The following CCDC186 variants were observed in gnomAD, a reference collection of about 807,000 sequenced individuals.
The protein encoded by CCDC186 is coiled-coil domain containing 186, also known as coiled-coil domain-containing protein 186.
Under a neutral mutation model 113.7 loss-of-function variants are expected in CCDC186, and 49 were observed. That is an observed-to-expected ratio of 0.43 (90% CI 0.34 to 0.55). The LOEUF (loss-of-function observed/expected upper bound fraction) is 0.55, where lower values mean the gene tolerates loss of function less well. Ranked by LOEUF, CCDC186 falls within the 20% of genes least tolerant of loss-of-function variation. CCDC186 has a pLI of 0.02. For missense variants in CCDC186, 890 were observed against 1,011.1 expected, an observed-to-expected ratio of 0.88 and a Z score of 1.62; for synonymous variants, 355 against 345.8, an observed-to-expected ratio of 1.03 and a Z score of -0.30.
intron 12 of CCDC186, chr10:114,130,376 T>A (rs1011616759): frequency 1.9e-5 from 3 of 157,816 alleles, no homozygotes; most frequent in African/African-American, 7.2e-5. Flanking sequence ...AGCTTATTAC[T>A]ATATTTCACC....
At chr10:114,135,816 C>A in intron 9 of CCDC186, 75 bp downstream of exon 9, 1 of 1,209,900 alleles carries the variant, frequency 8.3e-7, no homozygotes. Context: ...TTCCCCACCA[C>A]TTTAAAAATC....
chr10:114,158,284 C>A (rs1227282623), intron 2 of CCDC186, among the ~76,000 whole-genome samples: 1 of 152,094 alleles, frequency 6.6e-6, no homozygotes, highest in Non-Finnish European at 1.5e-5. Context: ...TGTAAAACAG[C>A]AAAATAAAAT....
intron 9 of CCDC186, among the ~76,000 whole-genome samples, chr10:114,135,671 A>C (rs778662766): frequency 7.2e-5 from 11 of 152,212 alleles, no homozygotes; most frequent in Non-Finnish European, 1.6e-4. Context: ...GTGCTGTGAA[A>C]TAGTAATGTT....
chr10:114,164,110 A>T lies in CCDC186; in HGVS notation c.-61-781T>A, dbSNP rs1315273680. On this transcript the variant is annotated intron_variant, in intron 1 of 15. Transcript: ENST00000369287. ...TGTGTGTGTGTGTGTGTGTATATAT[A>T]TATATTTTTTTTTTTTTTTTTTTTT... 1.2e-3 allele frequency among the ~76,000 whole-genome samples: 124 copies of T among 103,394 alleles called. 2 individuals carry two copies. The highest frequency in any genetic ancestry group is 3.9e-3 in the African/African-American group (100 of 25,908). 67.8% of individuals were successfully genotyped at this position (103,394 alleles called of 152,430 possible).
intron 4 of CCDC186, among the ~76,000 whole-genome samples, chr10:114,146,871 T>A (rs1344775105): frequency 6.6e-6 from 1 of 151,944 alleles, no homozygotes; most frequent in Admixed American, 6.6e-5. Context: ...GCTGCAAAAA[T>A]GTTTCATAAA....
chr10:114,147,480 A>G (rs2031681365), intron 4 of CCDC186, among the ~76,000 whole-genome samples: 1 of 152,218 alleles, frequency 6.6e-6, no homozygotes, highest in South Asian at 2.1e-4. Context: ...TAGAGTGAAT[A>G]TCATGTGCAA....
At position 114,135,051 on chromosome 10, in the gene CCDC186, T is replaced by TTC. The variant is rs1376612258; in HGVS notation, c.1515_1516dup (p.Lys506ArgfsTer4). 6.2e-7 allele frequency: 1 copy of TTC among 1,604,364 alleles called. No homozygotes were observed. Among genetic ancestry groups the TTC allele is most frequent in the Non-Finnish European group, 8.5e-7 (1 of 1,177,586 alleles). ...TCTTAATCGTTCATCTTCTAGACATTTCACCTATCAAATGATCACAACCAA... is the reference window on the plus strand; with the variant it reads ...TCTTAATCGTTCATCTTCTAGACATTTCTCACCTATCAAATGATCACAACCAA... On this transcript the variant is annotated frameshift_variant, in exon 10 of 16. Coordinates refer to ENST00000369287, the MANE Select transcript of CCDC186 (RefSeq NM_018017.4). LOFTEE classifies it high-confidence loss of function.
rs2030937764 is a variant in CCDC186, at chr10:114,127,314, T to C, written c.2393+147A>G. On this transcript the variant is annotated intron_variant, in intron 14 of 15. Coordinates refer to ENST00000369287, the MANE Select transcript of CCDC186 (RefSeq NM_018017.4). The stretch of plus-strand genomic sequence containing the variant: ...AGTATTCACAAAACCTAGAACATAA[T>C]AGGTGACCATAAAAGACTGGGAACT... 8.4e-6 allele frequency: 6 copies of C among 717,162 alleles called. No homozygotes were observed. The East Asian group carries it at 1.6e-4, about 19-fold the overall frequency. The allele number at this position is 717,162 out of a possible 1,614,324, so 44.4% of individuals were successfully genotyped here. A position where few individuals can be genotyped will look rare whatever the true frequency, so the allele number is the denominator to read the frequency against.
At chr10:114,137,136 C>G in intron 7 of CCDC186, 50 bp downstream of exon 7, 1 of 1,390,098 alleles carries the variant, frequency 7.2e-7, no homozygotes, top group Non-Finnish European at 1.0e-6. Context: ...AAAGAGAGAA[C>G]TGATATTTGC....
At chr10:114,135,784 A>C in intron 9 of CCDC186, 107 bp downstream of exon 9, 1 of 881,088 alleles carries the variant, frequency 1.1e-6, no homozygotes, top group African/African-American at 1.7e-5. Context: ...TTTATTATGG[A>C]ACATTTCTAT....
At chr10:114,144,839 A>T (rs1157641570) in intron 5 of CCDC186, among the ~76,000 whole-genome samples, 1 of 152,162 alleles carries the variant, frequency 6.6e-6, no homozygotes, top group Non-Finnish European at 1.5e-5. Flanking sequence ...CATTTTAACC[A>T]ATTGGATGTA....
chr10:114,162,728 G>A lies in CCDC186; in HGVS notation c.541C>T (p.Pro181Ser). 6.2e-7 allele frequency: 1 copy of A among 1,613,712 alleles called. No individual in the cohort carries two copies. Among genetic ancestry groups the A allele is most frequent in the Admixed American group, 1.7e-5 (1 of 59,976 alleles). The change falls in exon 2 of 16, where the codon CCA (proline) becomes TCA (serine). Residue 181 changes from proline (P) to serine (S), a missense_variant. Physicochemically the swap from Pro to Ser is moderately conservative, Grantham distance 74. Transcript: ENST00000369287. ...LSTEFAEHRVPNGMNKGEHAL... is the reference protein window; with the variant it reads ...LSTEFAEHRVSNGMNKGEHAL... Reference sequence around the variant, plus strand: ...TGTTCTCCCTTATTCATTCCATTTGGTACTCGATGTTCTGCAAACTCCGTA... The same window carrying A: ...TGTTCTCCCTTATTCATTCCATTTGATACTCGATGTTCTGCAAACTCCGTA...
intron 3 of CCDC186, among the ~76,000 whole-genome samples, chr10:114,152,302 A>T (rs1007061654): frequency 6.6e-6 from 1 of 151,776 alleles, no homozygotes; most frequent in Non-Finnish European, 1.5e-5. Context: ...TGATCCCACC[A>T]TGGTACGCCA....
rs758539766 is a variant in CCDC186 at position 114,162,750 on chromosome 10, C to T, written c.519G>A (p.Thr173=). The T allele has an allele frequency of 8.1e-6, 13 of 1,613,728 alleles. No homozygotes were observed. The highest frequency in any genetic ancestry group is 3.3e-5 in the Admixed American group (2 of 59,982). ...TTGGTACTCGATGTTCTGCAAACTC[C>T]GTAGATAAGAGCTCAGATTCTATTT... is the stretch of plus-strand genomic sequence containing the variant. The part of the protein sequence containing the change: ...LEEIESELLS[T]EFAEHRVPNG... The change falls in exon 2 of 16, where the codon ACG becomes ACA. Residue 173 remains threonine (T), a synonymous_variant. Transcript: ENST00000369287.
chr10:114,136,812 A>G (rs2031274856), intron 7 of CCDC186, among the ~76,000 whole-genome samples: 1 of 152,228 alleles, frequency 6.6e-6, no homozygotes, highest in Admixed American at 6.5e-5. Context: ...TTGCACATAT[A>G]GAAATTTAAT....
At chr10:114,127,420 G>A (rs374882847) in intron 14 of CCDC186, 41 bp downstream of exon 14, 34 of 1,559,068 alleles carry the variant, frequency 2.2e-5, no homozygotes, top group Admixed American at 1.6e-4. Flanking sequence ...TATGAGTAAC[G>A]GTATTTTGAA....
At position 114,162,987 on chromosome 10, in the gene CCDC186, A is replaced by G; in HGVS notation, c.282T>C (p.Ala94=). Residue 94 remains alanine (A), a synonymous_variant, in exon 2 of 16, where the codon GCT becomes GCC. Transcript: ENST00000369287. ...DTGSENSEQI[A]NFPSGNFAKH... ...TAGCAAAATTTCCACTAGGAAAATT[A>G]GCTATTTGTTCAGAATTTTCTGAGC... 2 of 1,614,026 alleles carry G rather than the reference A, an allele frequency of 1.2e-6. No individual in the cohort carries two copies. Among genetic ancestry groups the G allele is most frequent in the Non-Finnish European group, 8.5e-7 (1 of 1,179,954 alleles).
Position 114,174,045 on chromosome 10 carries a change from A to T in CCDC186, c.-92T>A, listed in dbSNP as rs775819566. ...TTATCCAAGCCTCAGGCCACGCCCT[A>T]ACAAGGCTGCTGGAGCTCTGGCTCA... On this transcript the variant is annotated 5_prime_UTR_variant, in exon 1 of 16. It removes the in-frame stop codon of an upstream open reading frame in the 5' UTR. Transcript: ENST00000369287. The T allele has an allele frequency of 1.1e-4, 51 of 471,992 alleles. 1 individual carries two copies. The highest frequency in any genetic ancestry group is 7.6e-4 in the South Asian group (49 of 64,566). 29.2% of individuals were successfully genotyped at this position (471,992 alleles called of 1,614,324 possible).
In CCDC186 at chr10:114,122,987, T is replaced by C. The variant is rs2119659897; in HGVS notation, c.*2156A>G. On this transcript the variant is annotated 3_prime_UTR_variant, in exon 16 of 16. Transcript: ENST00000369287. ...ATTTTTGTCTAAAATGTATATACAT[T>C]TTAAAGTGTATAGGCATAGGATACT... The C allele has an allele frequency of 6.6e-6, 1 of 152,370 alleles. No individual in the cohort carries two copies. Among genetic ancestry groups the C allele is most frequent in the African/African-American group, 2.4e-5 (1 of 41,578 alleles). The allele number at this position is 152,370 out of a possible 1,614,324, so 9.4% of individuals were successfully genotyped here. A position where few individuals can be genotyped will look rare whatever the true frequency, so the allele number is the denominator to read the frequency against.
Sources: allele counts gnomAD v4.1 joint callset (sites outside exome capture counted in the v4.1 genomes callset), GRCh38; gene constraint gnomAD v4.1.1; transcripts MANE v1.5; gene names NCBI Gene and HGNC (gene_info 2026-07-23, HGNC 2026-07-21).